Variants in UACA observed in about 807,000 individuals in gnomAD.
The protein encoded by UACA is nuclear membrane binding protein.
A neutral mutation model predicts 160.5 loss-of-function variants in UACA; 112 were observed. The observed-to-expected ratio is 0.70, with a 90% CI of 0.60 to 0.82. The LOEUF (loss-of-function observed/expected upper bound fraction) is 0.82. Ranked by LOEUF, UACA falls within the 40% of genes least tolerant of loss-of-function variation. The pLI, the probability that UACA is intolerant of heterozygous loss-of-function variation, is 0.00. For missense variants in UACA, 1,574 were observed against 1,614.6 expected (o/e 0.97, Z 0.43); for synonymous variants, 557 against 568.4 (o/e 0.98, Z 0.29).
intron 7 of UACA, 114 bp downstream of exon 7, chr15:70,687,426 G>A: frequency 1.1e-6 from 1 of 883,984 alleles, no homozygotes; most frequent in South Asian, 1.6e-5. Flanking sequence ...GCCAGGGAAG[G>A]GGAGAACCCA....
intron 1 of UACA, among the ~76,000 whole-genome samples, chr15:70,703,978 C>G (rs1394211864): frequency 6.6e-6 from 1 of 152,152 alleles, no homozygotes. Context: ...CCCCACCACT[C>G]TTTATCCTTG....
intron 1 of UACA, 122 bp downstream of exon 1, chr15:70,763,208 G>A: frequency 8.9e-7 from 1 of 1,124,424 alleles, no homozygotes; most frequent in East Asian, 3.2e-5. Flanking sequence ...GGAGTCGCCA[G>A]GGCCGCCGAA....
intron 1 of UACA, among the ~76,000 whole-genome samples, chr15:70,725,715 A>G (rs1899124364): frequency 6.6e-6 from 1 of 152,192 alleles, no homozygotes; most frequent in South Asian, 2.1e-4. Flanking sequence ...AAAAACCAAG[A>G]GTGGGGATAC....
At chr15:70,749,906 A>G (rs1438331175) in intron 1 of UACA, among the ~76,000 whole-genome samples, 2 of 152,206 alleles carry the variant, frequency 1.3e-5, no homozygotes, top group African/African-American at 4.8e-5. Context: ...TTGCTAACAT[A>G]CAGGAAGATA....
chr15:70,777,231 G>C, the UACA span, among the ~76,000 whole-genome samples: 1 of 152,198 alleles, frequency 6.6e-6, no homozygotes, highest in Non-Finnish European at 1.5e-5. Context: ...TGTGGGTGGA[G>C]AGGGTTGTGG....
At chr15:70,759,058 G>T (rs1203713618) in intron 1 of UACA, among the ~76,000 whole-genome samples, 3 of 152,052 alleles carry the variant, frequency 2.0e-5, no homozygotes, top group Non-Finnish European at 1.5e-5. Flanking sequence ...TATTTTTTGT[G>T]GAGATAGGAT....
chr15:70,677,857 C>A (rs1261999113), intron 11 of UACA, among the ~76,000 whole-genome samples: 2 of 152,108 alleles, frequency 1.3e-5, no homozygotes, highest in Non-Finnish European at 2.9e-5. Flanking sequence ...AGGAAGTGCC[C>A]CCCTCAGAAG....
chr15:70,695,164 C>T, intron 2 of UACA, 59 bp from the exon 3 acceptor site: 1 of 1,261,816 alleles, frequency 7.9e-7, no homozygotes, highest in South Asian at 1.5e-5. Flanking sequence ...ACCTTAAATG[C>T]TACATTAATG....
chr15:70,767,216 A>C (rs1264818499), upstream of UACA, among the ~76,000 whole-genome samples: 4 of 131,536 alleles, frequency 3.0e-5, no homozygotes, highest in African/African-American at 1.2e-4. Context: ...CTCCGGCCTG[A>C]GCGACAGAGC....
intron 1 of UACA, among the ~76,000 whole-genome samples, chr15:70,735,734 G>A (rs1365144389): frequency 2.0e-5 from 3 of 152,154 alleles, no homozygotes; most frequent in African/African-American, 7.2e-5. Flanking sequence ...CTGGAGCAGT[G>A]GTGCAATCAT....
chr15:70,676,217 A>T, intron 13 of UACA: 1 of 248,044 alleles, frequency 4.0e-6, no homozygotes, highest in Non-Finnish European at 7.8e-6. Flanking sequence ...TGATGTTTTA[A>T]AAAGGTAAGG....
chr15:70,713,373 G>A (rs182440443), intron 1 of UACA, among the ~76,000 whole-genome samples: 44 of 152,264 alleles, frequency 2.9e-4, no homozygotes, highest in Non-Finnish European at 2.5e-4. Context: ...AAAATGCTGA[G>A]AGTTGACTGT....
intron 1 of UACA, among the ~76,000 whole-genome samples, chr15:70,763,048 G>A (rs1348069154): frequency 6.6e-6 from 1 of 152,196 alleles, no homozygotes; most frequent in Non-Finnish European, 1.5e-5. Context: ...GGATTTAGGA[G>A]GAGGGGGCCA....
chr15:70,682,915 G>T, intron 8 of UACA, 120 bp from the exon 9 acceptor site: 1 of 526,518 alleles, frequency 1.9e-6, no homozygotes, highest in Non-Finnish European at 3.1e-6. Flanking sequence ...TTCCTCTAAA[G>T]CTTACAACTT....
rs376210021 is a variant in UACA at position 70,712,296 on chromosome 15, C to T, written c.79-12636G>A. ...CCATCACCAAATCCTGCTGATTTTA[C>T]CTCCCCATCTTACTGAAATCCATCT... On this transcript the variant is annotated intron_variant, in intron 1 of 18. Transcript: ENST00000322954. Among the ~76,000 whole-genome samples the T allele has an allele frequency of 2.0e-5, 3 of 152,138 alleles. No individual in the cohort carries two copies. The East Asian group carries it at 5.8e-4, about 29-fold the overall frequency.
chr15:70,739,516 T>C (rs1336374130), intron 1 of UACA, among the ~76,000 whole-genome samples: 3 of 152,232 alleles, frequency 2.0e-5, no homozygotes, highest in Admixed American at 1.3e-4. Flanking sequence ...ACTGGCTTTA[T>C]ATTGGCAAGA....
the UACA span, among the ~76,000 whole-genome samples, chr15:70,778,191 A>G: frequency 6.7e-6 from 1 of 148,816 alleles, no homozygotes; most frequent in South Asian, 2.1e-4. Context: ...ACAAAATGAG[A>G]CCTGGTCTCA....
Position 70,669,041 on chromosome 15 carries a change from T to C in UACA, c.1643A>G (p.Asp548Gly). The change falls in exon 16 of 19, where the codon GAC becomes GGC. Residue 548 changes from aspartate to glycine, a missense_variant. Coordinates refer to ENST00000322954, the MANE Select transcript of UACA (RefSeq NM_018003.4). ...LTEELKDQLK[D>G]LKVKYEGASA... ...AGCACCTTCATATTTTACTTTCAAGTCTTTCAACTGATCCTTCAGTTCCTC... is the reference window on the plus strand; with the variant it reads ...AGCACCTTCATATTTTACTTTCAAGCCTTTCAACTGATCCTTCAGTTCCTC... The C allele has an allele frequency of 6.2e-7, 1 of 1,614,068 alleles. No individual in the cohort carries two copies. The highest frequency in any genetic ancestry group is 1.1e-5 in the South Asian group (1 of 91,080).
chr15:70,698,015 A>G (rs1327113101), intron 2 of UACA, among the ~76,000 whole-genome samples: 1 of 152,168 alleles, frequency 6.6e-6, no homozygotes, highest in South Asian at 2.1e-4. Context: ...GTGCCATTGC[A>G]CAACCAGCCT....
Sources: gnomAD v4.1 joint callset for allele counts (sites outside exome capture counted in the v4.1 genomes callset) on GRCh38, gnomAD v4.1.1 for gene constraint, MANE v1.5 for transcripts, NCBI Gene and HGNC (gene_info 2026-07-23, HGNC 2026-07-21) for gene names.